Variants in ZNF581 observed in about 807,000 individuals in gnomAD.
ZNF581 encodes zinc finger protein 581.
ZNF581 carries 1 observed loss-of-function variant against 1.2 expected under a neutral mutation model. The ratio of observed to expected loss-of-function variants is 0.83; its 90% confidence interval spans 0.30 to 3.95. The LOEUF (loss-of-function observed/expected upper bound fraction) is 3.95, where lower values mean the gene tolerates loss of function less well. Ranked by LOEUF, ZNF581 falls within the 30% of genes most tolerant of loss-of-function variation. The pLI is 0.18. For synonymous variants in ZNF581, 105 were observed against 109.2 expected (o/e 0.96, Z 0.24); for missense variants, 273 against 274.6 (o/e 0.99, Z 0.04).
Position 55,645,129 on chromosome 19 carries a change from C to G in ZNF581, c.558C>G (p.Asn186Lys). The G allele has an allele frequency of 6.6e-7, 1 of 1,525,952 alleles. No homozygotes were observed. The highest frequency in any genetic ancestry group is 8.8e-7 in the Non-Finnish European group (1 of 1,133,618). 94.5% of individuals were successfully genotyped at this position (1,525,952 alleles called of 1,614,324 possible). A position where few individuals can be genotyped will look rare whatever the true frequency, so the allele number is the denominator to read the frequency against. ...GCCCTCGCCGCTTTATGGAGCAGAACACACTGCAGAAACACACGCGGTGGA... is the reference window on the plus strand; with the variant it reads ...GCCCTCGCCGCTTTATGGAGCAGAAGACACTGCAGAAACACACGCGGTGGA... ...PHCPRRFMEQ[N>K]TLQKHTRWKH... Residue 186 changes from asparagine to lysine, a missense_variant, in exon 2 of 2, where the codon AAC (asparagine) becomes AAG (lysine). Physicochemically the swap from Asn to Lys is moderately conservative, Grantham distance 94 (BLOSUM62 0). Coordinates refer to ENST00000270451, the MANE Select transcript of ZNF581 (RefSeq NM_016535.4).
chr19:55,639,290 G>C (rs1568535073), upstream of ZNF581, among the ~76,000 whole-genome samples: 1 of 152,162 alleles, frequency 6.6e-6, no homozygotes, highest in Admixed American at 6.5e-5. Flanking sequence ...ACAACAAAGA[G>C]TGGTCCGGCT....
upstream of ZNF581, among the ~76,000 whole-genome samples, chr19:55,637,754 G>A (rs543889120): frequency 6.6e-5 from 10 of 152,178 alleles, no homozygotes; most frequent in Non-Finnish European, 1.0e-4. Flanking sequence ...TCCCGCCTGC[G>A]GATGTGTGAC....
rs200120918 is a variant in ZNF581, at chr19:55,644,781, G to A, written c.210G>A (p.Glu70=). ...GVPYTVLVDE[E]SQREPGASGA... ...CCTACACAGTGCTGGTGGACGAGGA[G>A]TCACAGAGGGAGCCAGGGGCCAGTG... Residue 70 remains glutamate, a synonymous_variant, in exon 2 of 2, where the codon GAG becomes GAA. Transcript: ENST00000270451. This position sits in a 1 kb window ranked among gnomAD's most constrained non-coding sequence, Gnocchi z 4.3. 5.6e-6 allele frequency: 9 copies of A among 1,613,830 alleles called. No homozygotes were observed. In the Admixed American group the frequency reaches 6.7e-5, roughly 12 times the overall value.
Position 55,645,447 on chromosome 19 carries a change from T to G in ZNF581, c.*282T>G, listed in dbSNP as rs1600051717. 1 of 339,266 alleles carries G rather than the reference T, an allele frequency of 2.9e-6. No homozygotes were observed. The highest frequency in any genetic ancestry group is 1.3e-4 in the South Asian group (1 of 7,432). 21.0% of individuals were successfully genotyped at this position (339,266 alleles called of 1,614,324 possible). On this transcript the variant is annotated 3_prime_UTR_variant, in exon 2 of 2. Transcript: ENST00000270451. The stretch of plus-strand genomic sequence containing the variant: ...TGGCAGAGCCTTGACTGGATGGAGG[T>G]GGGGAGTGTGGTGTGTAAAGTCTCT...
chr19:55,642,640 GC>G (rs1001617916), upstream of ZNF581: 6 of 1,438,466 alleles, frequency 4.2e-6, no homozygotes, highest in Non-Finnish European at 2.7e-6. Flanking sequence ...CGGCGGCGGG[GC>G]CCCGACCCCC....
upstream of ZNF581, among the ~76,000 whole-genome samples, chr19:55,636,167 A>G (rs1220560464): frequency 6.6e-6 from 1 of 152,192 alleles, no homozygotes; most frequent in South Asian, 2.1e-4. Flanking sequence ...GTTGCATTCA[A>G]CACAGCTGTG....
In ZNF581 at chr19:55,644,626, A is replaced by C. The variant is rs144616976; in HGVS notation, c.55A>C (p.Thr19Pro). 81 of 1,609,916 alleles carry C rather than the reference A, an allele frequency of 5.0e-5. No homozygotes were observed. Among genetic ancestry groups the C allele is most frequent in the Non-Finnish European group, 6.5e-5 (76 of 1,178,232 alleles). Residue 19 changes from threonine to proline, a missense_variant, in exon 2 of 2, where the codon ACC (threonine) becomes CCC (proline). Physicochemically the swap from Thr to Pro is conservative, Grantham distance 38 (BLOSUM62 -1). Coordinates refer to ENST00000270451, the MANE Select transcript of ZNF581 (RefSeq NM_016535.4). The surrounding 1 kb of genome is among the most constrained non-coding windows in gnomAD (Gnocchi z 4.3). ...PQPLAFSSVE[T>P]MEGPPRRTCR... ...GCCTCTGGCATTTTCCTCCGTTGAG[A>C]CCATGGAGGGCCCTCCCCGTCGGAC...
upstream of ZNF581, chr19:55,640,204 C>T (rs1299788989): frequency 6.1e-6 from 6 of 985,448 alleles, no homozygotes; most frequent in Non-Finnish European, 7.2e-6. Context: ...CTGCAGCTGC[C>T]CCGAGTGCTG....
chr19:55,643,466 C>G (rs903235018), upstream of ZNF581: 4 of 184,164 alleles, frequency 2.2e-5, no homozygotes, highest in South Asian at 2.0e-4. Flanking sequence ...ACATTCCGCA[C>G]TCCATTTTCA....
chr19:55,645,234 G>A lies in ZNF581; in HGVS notation c.*69G>A, dbSNP rs767715031. 2.2e-6 allele frequency: 3 copies of A among 1,377,040 alleles called. No homozygotes were observed. Among genetic ancestry groups the A allele is most frequent in the Non-Finnish European group, 2.9e-6 (3 of 1,021,176 alleles). 85.3% of individuals were successfully genotyped at this position (1,377,040 alleles called of 1,614,324 possible). On this transcript the variant is annotated 3_prime_UTR_variant, in exon 2 of 2. Coordinates refer to ENST00000270451, the MANE Select transcript of ZNF581 (RefSeq NM_016535.4). ...AGCCTGGACTCCTGTCCAGACACCT[G>A]GTGAGAGCCTGAGGCTGGTGTTCAG...
At chr19:55,641,323 A>C, upstream of ZNF581, 2 of 533,098 alleles carry the variant, frequency 3.8e-6, no homozygotes, top group Non-Finnish European at 4.8e-6. Context: ...CGGGAGGGGA[A>C]GTCGAGGCGC....
At chr19:55,639,742 A>G (rs1025293240), upstream of ZNF581, among the ~76,000 whole-genome samples, 17 of 152,056 alleles carry the variant, frequency 1.1e-4, no homozygotes, top group African/African-American at 3.9e-4. Flanking sequence ...TCAGCCTCCC[A>G]AGTAGCTGGG....
chr19:55,640,870 G>A (rs1054981293), upstream of ZNF581: 2 of 985,260 alleles, frequency 2.0e-6, no homozygotes, highest in African/African-American at 1.7e-5. Context: ...CGGGGCCGCC[G>A]GGGGCGGGCG....
Position 55,645,228 on chromosome 19 carries a change from A to G in ZNF581, c.*63A>G. On this transcript the variant is annotated 3_prime_UTR_variant, in exon 2 of 2. Coordinates refer to ENST00000270451, the MANE Select transcript of ZNF581 (RefSeq NM_016535.4). ...GCAGGGAGCCTGGACTCCTGTCCAG[A>G]CACCTGGTGAGAGCCTGAGGCTGGT... 1 of 1,398,580 alleles carries G rather than the reference A, an allele frequency of 7.2e-7. No individual in the cohort carries two copies. Among genetic ancestry groups the G allele is most frequent in the Non-Finnish European group, 9.6e-7 (1 of 1,038,654 alleles). 86.6% of individuals were successfully genotyped at this position (1,398,580 alleles called of 1,614,324 possible). A position where few individuals can be genotyped will look rare whatever the true frequency, so the allele number is the denominator to read the frequency against.
At chr19:55,641,476 C>T (rs1457453856), upstream of ZNF581, among the ~76,000 whole-genome samples, 1 of 152,138 alleles carries the variant, frequency 6.6e-6, no homozygotes, top group Non-Finnish European at 1.5e-5. Context: ...GGGCGGGGGA[C>T]CACGCTGTGT....
At chr19:55,640,774 G>A (rs1982406739), upstream of ZNF581, 1 of 985,504 alleles carries the variant, frequency 1.0e-6, no homozygotes, top group Non-Finnish European at 1.2e-6. Flanking sequence ...GCCTTAGGGC[G>A]AAGACGTAAC....
At chr19:55,637,087 A>T (rs1240516820), upstream of ZNF581, among the ~76,000 whole-genome samples, 8 of 152,038 alleles carry the variant, frequency 5.3e-5, no homozygotes, top group Admixed American at 5.2e-4. Flanking sequence ...GGTAGTTGGG[A>T]CTGTAGGCAG....
At chr19:55,639,864 G>A (rs1045781203), upstream of ZNF581, among the ~76,000 whole-genome samples, 5 of 152,154 alleles carry the variant, frequency 3.3e-5, no homozygotes, top group African/African-American at 4.8e-5. Flanking sequence ...TGATCCGCCC[G>A]CCTTGGCCTC....
chr19:55,637,530 C>CT (rs1325405887), upstream of ZNF581, among the ~76,000 whole-genome samples: 4 of 151,918 alleles, frequency 2.6e-5, no homozygotes, highest in Admixed American at 6.6e-5. Flanking sequence ...GAGTGAGACT[C>CT]TGTCTGAAAA....
Sources: allele counts gnomAD v4.1 joint callset (sites outside exome capture counted in the v4.1 genomes callset), GRCh38; gene constraint gnomAD v4.1.1; non-coding constraint Gnocchi (gnomAD v3.1); transcripts MANE v1.5; gene names NCBI Gene and HGNC (gene_info 2026-07-23, HGNC 2026-07-21).